Variants in SLC24A2 observed in about 807,000 individuals in gnomAD.
The protein encoded by SLC24A2 is sodium/potassium/calcium exchanger 2.
In SLC24A2, 36 loss-of-function variants were observed where a neutral mutation model predicts 62.0. The observed-to-expected ratio is 0.58, with a 90% confidence interval of 0.44 to 0.77. SLC24A2 has a LOEUF of 0.77. Among genes scored for constraint, SLC24A2 ranks in the 30% least tolerant of loss-of-function variants. The probability of loss-of-function intolerance (pLI) is 0.00; values close to 1 mark genes in which losing one functional copy is unlikely to be tolerated. For synonymous variants in SLC24A2, 358 were observed against 294.0 expected (o/e 1.22, Z -2.23); for missense variants, 846 against 817.9 (o/e 1.03, Z -0.42).
intron 2 of SLC24A2, among the ~76,000 whole-genome samples, chr9:19,663,454 G>A (rs974798478): frequency 2.6e-5 from 4 of 152,176 alleles, no homozygotes; most frequent in Non-Finnish European, 5.9e-5. Flanking sequence ...CCCACCAGCA[G>A]AGCCTGCCCC....
chr9:19,806,920 C>T, the SLC24A2 span, among the ~76,000 whole-genome samples: 35 of 152,258 alleles, frequency 2.3e-4, no homozygotes, highest in African/African-American at 8.2e-4. Flanking sequence ...ATAAAGACTC[C>T]GTACTAGACA....
chr9:19,716,921 T>G (rs546802915), intron 2 of SLC24A2, among the ~76,000 whole-genome samples: 237 of 152,358 alleles, frequency 1.6e-3, no homozygotes, highest in African/African-American at 5.6e-3. Flanking sequence ...TATTTTTGTA[T>G]GCTCAAAGGC....
At chr9:19,976,066 C>T in the SLC24A2 span, among the ~76,000 whole-genome samples, 73 of 152,174 alleles carry the variant, frequency 4.8e-4, no homozygotes, top group Non-Finnish European at 8.2e-4. Context: ...TAACTTTTTG[C>T]GGTAACAGAG....
intron 2 of SLC24A2, among the ~76,000 whole-genome samples, chr9:19,732,192 GC>G (rs1370772378): frequency 5.3e-5 from 8 of 152,174 alleles, no homozygotes; most frequent in Non-Finnish European, 7.4e-5. Flanking sequence ...GCTATGGTCA[GC>G]CCAGCCCCTG....
chr9:20,148,543 G>C, the SLC24A2 span, among the ~76,000 whole-genome samples: 1 of 152,052 alleles, frequency 6.6e-6, no homozygotes, highest in African/African-American at 2.4e-5. Flanking sequence ...TGTGTAGCTG[G>C]ATTAGAAAGG....
the SLC24A2 span, among the ~76,000 whole-genome samples, chr9:20,229,798 A>G: frequency 6.6e-6 from 1 of 151,768 alleles, no homozygotes; most frequent in Non-Finnish European, 1.5e-5. Flanking sequence ...TTTGTTACAT[A>G]CGTGTACATG....
chr9:19,792,044 C>A (rs1823325623), upstream of SLC24A2, among the ~76,000 whole-genome samples: 1 of 152,014 alleles, frequency 6.6e-6, no homozygotes, highest in South Asian at 2.1e-4. Context: ...TAGGTCATAC[C>A]TAAGCTAATA....
chr9:19,695,085 G>A (rs1820148369), intron 2 of SLC24A2, among the ~76,000 whole-genome samples: 2 of 147,644 alleles, frequency 1.4e-5, no homozygotes, highest in Admixed American at 1.3e-4. Flanking sequence ...GGGCGGGGGT[G>A]GGCTTCCCCA....
chr9:19,722,342 G>C (rs1821050580), intron 2 of SLC24A2, among the ~76,000 whole-genome samples: 1 of 152,078 alleles, frequency 6.6e-6, no homozygotes, highest in Admixed American at 6.6e-5. Context: ...TAATTGAGCT[G>C]AACTGAGAAT....
At chr9:20,138,344 C>T in the SLC24A2 span, among the ~76,000 whole-genome samples, 1 of 152,106 alleles carries the variant, frequency 6.6e-6, no homozygotes, top group African/African-American at 2.4e-5. Flanking sequence ...TCATAAAAAT[C>T]TCTACAATGC....
the SLC24A2 span, among the ~76,000 whole-genome samples, chr9:20,280,881 G>A: frequency 6.6e-6 from 1 of 152,114 alleles, no homozygotes; most frequent in African/African-American, 2.4e-5. Context: ...AGAATCCAAG[G>A]GAGGCCTGGA....
chr9:20,259,906 T>C, the SLC24A2 span, among the ~76,000 whole-genome samples: 16 of 152,220 alleles, frequency 1.1e-4, no homozygotes, highest in Admixed American at 1.0e-3. Context: ...CTGGGCAACA[T>C]GGCAAAGCCC....
intron 7 of SLC24A2, 37 bp downstream of exon 7, chr9:19,573,314 A>G (rs1472134997): frequency 7.2e-7 from 1 of 1,379,814 alleles, no homozygotes; most frequent in Non-Finnish European, 1.0e-6. Context: ...ATCAGTTAAG[A>G]ACAACAGCCC....
the SLC24A2 span, among the ~76,000 whole-genome samples, chr9:20,088,079 G>T: frequency 0.014 from 2,110 of 152,316 alleles, 49 homozygotes; most frequent in African/African-American, 0.049. Context: ...TGGAACCACA[G>T]GAGCTTTAGA....
chr9:20,205,222 TC>T, the SLC24A2 span, among the ~76,000 whole-genome samples: 1 of 152,198 alleles, frequency 6.6e-6, no homozygotes, highest in Non-Finnish European at 1.5e-5. Context: ...AAAGCATTTC[TC>T]CCTATTGAAG....
intron 2 of SLC24A2, among the ~76,000 whole-genome samples, chr9:19,743,537 T>A (rs575746920): frequency 1.3e-5 from 2 of 151,998 alleles, no homozygotes; most frequent in Non-Finnish European, 2.9e-5. Flanking sequence ...GGCAGAGGAG[T>A]GTAGCCCAGA....
At chr9:20,016,480 T>A in the SLC24A2 span, among the ~76,000 whole-genome samples, 6 of 152,216 alleles carry the variant, frequency 3.9e-5, no homozygotes, top group East Asian at 7.7e-4. Context: ...TGCTTATGAT[T>A]TATGTTCCAT....
chr9:20,062,280 G>T, the SLC24A2 span, among the ~76,000 whole-genome samples: 96 of 152,010 alleles, frequency 6.3e-4, no homozygotes, highest in East Asian at 2.1e-3. Flanking sequence ...CATGGTAAAG[G>T]TACCAAAACA....
At chr9:20,050,324 G>C in the SLC24A2 span, among the ~76,000 whole-genome samples, 12 of 151,736 alleles carry the variant, frequency 7.9e-5, no homozygotes, top group Non-Finnish European at 1.5e-4. Context: ...GCTGAAGCAT[G>C]AGAATCGCTT....
Sources: allele counts gnomAD v4.1 joint callset (sites outside exome capture counted in the v4.1 genomes callset), GRCh38; gene constraint gnomAD v4.1.1; transcripts MANE v1.5; gene names NCBI Gene and HGNC (gene_info 2026-07-23, HGNC 2026-07-21).